EVA1C: variants seen among roughly 807,000 people sequenced by gnomAD.
EVA1C encodes eva-1 homolog C, also known as protein eva-1 homolog C.
Under a neutral mutation model 45.4 loss-of-function variants are expected in EVA1C, and 25 were observed. That is an observed-to-expected ratio of 0.55 (90% CI 0.40 to 0.77). The LOEUF (loss-of-function observed/expected upper bound fraction) is 0.77. EVA1C is among the 30% of genes least tolerant of loss of function. The pLI is 0.00. For synonymous variants in EVA1C, 190 were observed against 221.2 expected, an observed-to-expected ratio of 0.86 and a Z score of 1.25; for missense variants, 479 against 554.8, an observed-to-expected ratio of 0.86 and a Z score of 1.37.
chr21:32,507,769 C>T (rs1277209956), intron 7 of EVA1C, among the ~76,000 whole-genome samples: 2 of 149,362 alleles, frequency 1.3e-5, no homozygotes, highest in Non-Finnish European at 3.0e-5. Flanking sequence ...CGTGTGTGTG[C>T]ATGTATGTGT....
At chr21:32,479,618 C>T (rs1022472634) in intron 4 of EVA1C, among the ~76,000 whole-genome samples, 4 of 152,146 alleles carry the variant, frequency 2.6e-5, no homozygotes, top group Admixed American at 2.6e-4. Context: ...TTCTTTCACT[C>T]TCACTAAAAT....
chr21:32,515,108 G>T lies in EVA1C; in HGVS notation c.1244G>T (p.Arg415Leu), dbSNP rs201956594. 1.2e-6 allele frequency: 2 copies of T among 1,614,030 alleles called. No homozygotes were observed. Among genetic ancestry groups the T allele is most frequent in the South Asian group, 2.2e-5 (2 of 91,072 alleles). ...GCAGAGCTCGCAGAAAGGATTGAGC[G>T]CAGGGAGCAAATCATTCAGGAAATA... ...EAAELAERIE[R>L]REQIIQEIWM... is the part of the protein sequence containing the mutation. Residue 415 changes from arginine to leucine, a missense_variant, in exon 8 of 8, where the codon CGC (arginine) becomes CTC (leucine). Physicochemically the swap from Arg to Leu is moderately radical, Grantham distance 102. Around this residue, in one of 3 missense-constraint regions of EVA1C, gnomAD observed 366 missense variants for 426.1 expected, o/e 0.86. Transcript: ENST00000300255.
chr21:32,469,193 G>A (rs547339275), intron 4 of EVA1C, among the ~76,000 whole-genome samples: 1 of 152,336 alleles, frequency 6.6e-6, no homozygotes, highest in East Asian at 1.9e-4. Flanking sequence ...AGTGGATGGG[G>A]AAGTGGTGAG....
intron 1 of EVA1C, among the ~76,000 whole-genome samples, chr21:32,450,796 T>A (rs1383705175): frequency 2.0e-5 from 3 of 152,034 alleles, no homozygotes; most frequent in Non-Finnish European, 2.9e-5. Flanking sequence ...CTTGGCCTGG[T>A]CTCTTGGTGC....
chr21:32,422,273 G>T, intron 1 of EVA1C, among the ~76,000 whole-genome samples: 1 of 152,050 alleles, frequency 6.6e-6, no homozygotes, highest in Admixed American at 6.6e-5. Flanking sequence ...AAAAAAAGCT[G>T]GAGAAATTAT....
chr21:32,412,950 C>T lies in EVA1C; in HGVS notation c.97C>T (p.Arg33Cys), dbSNP rs1054407811. ...GGTAGAGCCGCCGGGGCAGCTCCTGCGCCTCTTCTACTGCACTGTCCTGGT... is the reference window on the plus strand; with the variant it reads ...GGTAGAGCCGCCGGGGCAGCTCCTGTGCCTCTTCTACTGCACTGTCCTGGT... ...RQVEPPGQLL[R>C]LFYCTVLVCS... The change falls in exon 1 of 8, where the codon CGC becomes TGC. Residue 33 changes from arginine to cysteine, a missense_variant. Arg to Cys is a radical substitution (Grantham distance 180, BLOSUM62 -3). This residue lies in a region of EVA1C where 80 missense variants were observed against 63.8 expected (regional missense o/e 1.25). Transcript: ENST00000300255. 3.2e-6 allele frequency: 5 copies of T among 1,555,912 alleles called. No individual in the cohort carries two copies. In the African/African-American group the frequency reaches 4.2e-5, roughly 13 times the overall value.
intron 5 of EVA1C, among the ~76,000 whole-genome samples, 173 bp from the exon 6 acceptor site, chr21:32,501,242 G>T (rs1568948546): frequency 8.3e-3 from 2 of 240 alleles, no homozygotes; most frequent in African/African-American, 0.013. Flanking sequence ...TGATCACATG[G>T]ATACCATGGG....
At chr21:32,450,859 A>G (rs532731985) in intron 1 of EVA1C, among the ~76,000 whole-genome samples, 2 of 152,208 alleles carry the variant, frequency 1.3e-5, no homozygotes, top group South Asian at 4.1e-4. Flanking sequence ...CAGGACTCTG[A>G]CCCACACTCC....
intron 4 of EVA1C, among the ~76,000 whole-genome samples, chr21:32,488,982 A>C (rs1048564109): frequency 6.6e-6 from 1 of 152,198 alleles, no homozygotes. Flanking sequence ...GAGTTGTATA[A>C]GTTCCTTATA....
At chr21:32,446,015 G>A (rs757033374) in intron 1 of EVA1C, among the ~76,000 whole-genome samples, 10 of 152,152 alleles carry the variant, frequency 6.6e-5, no homozygotes, top group East Asian at 1.9e-4. Flanking sequence ...AGGCTGAGGC[G>A]GGAGGATCAC....
chr21:32,487,813 C>T (rs771848942), intron 4 of EVA1C, among the ~76,000 whole-genome samples: 3 of 151,918 alleles, frequency 2.0e-5, no homozygotes, highest in Non-Finnish European at 2.9e-5. Flanking sequence ...CTCTAACATT[C>T]GGCTCCTCCT....
intron 2 of EVA1C, among the ~76,000 whole-genome samples, chr21:32,454,771 C>G (rs2035717600): frequency 6.6e-6 from 1 of 152,056 alleles, no homozygotes; most frequent in African/African-American, 2.4e-5. Context: ...CTGTGTAGCT[C>G]TCCCTAAGGC....
intron 1 of EVA1C, among the ~76,000 whole-genome samples, chr21:32,445,492 G>A (rs1308789749): frequency 2.0e-5 from 3 of 152,160 alleles, no homozygotes; most frequent in African/African-American, 4.8e-5. Context: ...TGGGAGGCAG[G>A]TTTGTGCGAC....
chr21:32,424,108 C>T (rs147158375), intron 1 of EVA1C, among the ~76,000 whole-genome samples: 9 of 152,294 alleles, frequency 5.9e-5, no homozygotes, highest in Non-Finnish European at 1.2e-4. Flanking sequence ...TTTTTGTCTG[C>T]AAAGGCCCAT....
intron 1 of EVA1C, among the ~76,000 whole-genome samples, chr21:32,438,099 G>A (rs2035031985): frequency 6.6e-6 from 1 of 152,146 alleles, no homozygotes; most frequent in African/African-American, 2.4e-5. Flanking sequence ...TCAGAGCCTT[G>A]ACTTTCCTAT....
chr21:32,448,841 G>A (rs1301430994), intron 1 of EVA1C, among the ~76,000 whole-genome samples: 2 of 150,900 alleles, frequency 1.3e-5, no homozygotes, highest in Non-Finnish European at 1.5e-5. Flanking sequence ...TCTGGGAGGT[G>A]GAGGTTGCAG....
intron 4 of EVA1C, among the ~76,000 whole-genome samples, chr21:32,476,251 T>C (rs2036559789): frequency 6.6e-6 from 1 of 152,054 alleles, no homozygotes; most frequent in Non-Finnish European, 1.5e-5. Flanking sequence ...CCCCCTATCC[T>C]CGGGTTTTTT....
intron 1 of EVA1C, among the ~76,000 whole-genome samples, chr21:32,431,907 G>A (rs974264840): frequency 2.6e-5 from 4 of 152,134 alleles, no homozygotes; most frequent in African/African-American, 9.7e-5. Context: ...CTAATGTATG[G>A]ACCTCATTCA....
chr21:32,478,004 A>G (rs570142487), intron 4 of EVA1C, among the ~76,000 whole-genome samples: 26 of 142,652 alleles, frequency 1.8e-4, no homozygotes, highest in Non-Finnish European at 4.0e-4. Context: ...GCCACCATAC[A>G]TTATTGGTCC....
Sources: allele counts gnomAD v4.1 joint callset (sites outside exome capture counted in the v4.1 genomes callset), GRCh38; gene constraint gnomAD v4.1.1; regional missense constraint gnomAD v4.1.1; transcripts MANE v1.5; gene names NCBI Gene and HGNC (gene_info 2026-07-23, HGNC 2026-07-21).